Variants in JAK2 observed in about 807,000 individuals in gnomAD.
JAK2 encodes tyrosine-protein kinase JAK2.
A neutral mutation model predicts 139.3 loss-of-function variants in JAK2; 86 were observed. The observed-to-expected ratio is 0.62, with a 90% CI of 0.52 to 0.74. The LOEUF is 0.74. Among genes scored for constraint, JAK2 ranks in the 30% least tolerant of loss-of-function variants. The probability of loss-of-function intolerance (pLI) is 0.00; values close to 1 mark genes in which losing one functional copy is unlikely to be tolerated. For synonymous variants in JAK2, 490 were observed against 437.7 expected (o/e 1.12, Z -1.49); for missense variants, 1,421 against 1,360.3 (o/e 1.04, Z -0.70).
intron 22 of JAK2, among the ~76,000 whole-genome samples, chr9:5,117,597 GTTTATT>G (rs1371824336): frequency 1.3e-5 from 2 of 152,134 alleles, no homozygotes; most frequent in African/African-American, 4.8e-5. Context: ...TCTTATCAAA[GTTTATT>G]TTGGAAATAG....
At chr9:5,032,529 G>A (rs375242054) in intron 4 of JAK2, among the ~76,000 whole-genome samples, 2 of 152,184 alleles carry the variant, frequency 1.3e-5, no homozygotes, top group East Asian at 1.9e-4. Flanking sequence ...ACATGGCCGG[G>A]TACTCCTCTG....
At chr9:5,102,477 T>A (rs1212281329) in intron 22 of JAK2, among the ~76,000 whole-genome samples, 2 of 152,186 alleles carry the variant, frequency 1.3e-5, no homozygotes, top group Non-Finnish European at 2.9e-5. Context: ...TTCAGGATAT[T>A]ATCCAGGAGA....
chr9:5,043,909 C>T (rs1051561692), intron 4 of JAK2, among the ~76,000 whole-genome samples: 5 of 152,118 alleles, frequency 3.3e-5, no homozygotes, highest in African/African-American at 7.2e-5. Flanking sequence ...AAACTAAAAA[C>T]ATTGAATTTT....
At chr9:5,065,762 T>C (rs1818526986) in intron 9 of JAK2, among the ~76,000 whole-genome samples, 1 of 152,196 alleles carries the variant, frequency 6.6e-6, no homozygotes, top group Non-Finnish European at 1.5e-5. Flanking sequence ...ATGTGGTTTA[T>C]GTTGACAACA....
At chr9:5,095,511 C>T (rs1454537012) in intron 22 of JAK2, among the ~76,000 whole-genome samples, 2 of 152,118 alleles carry the variant, frequency 1.3e-5, no homozygotes, top group African/African-American at 4.8e-5. Flanking sequence ...AATTTTCATC[C>T]TTAATAATAA....
At chr9:5,092,056 T>G (rs1820623288) in intron 22 of JAK2, among the ~76,000 whole-genome samples, 1 of 152,056 alleles carries the variant, frequency 6.6e-6, no homozygotes, top group African/African-American at 2.4e-5. Context: ...CAATCAGAAT[T>G]GTAAAACAAG....
chr9:5,064,776 C>A, intron 8 of JAK2, 107 bp from the exon 9 acceptor site: 1 of 753,314 alleles, frequency 1.3e-6, no homozygotes, highest in Non-Finnish European at 2.1e-6. Flanking sequence ...AAGATATGAG[C>A]AATTTAGAAG....
chr9:5,043,983 A>C (rs529301605), intron 4 of JAK2, among the ~76,000 whole-genome samples: 1 of 152,346 alleles, frequency 6.6e-6, no homozygotes, highest in East Asian at 1.9e-4. Flanking sequence ...TTACTAAAAG[A>C]CAATATAGAG....
intron 22 of JAK2, among the ~76,000 whole-genome samples, chr9:5,113,383 C>T (rs1163693989): frequency 3.6e-5 from 5 of 139,174 alleles, no homozygotes; most frequent in East Asian, 2.1e-4. Context: ...TGTGCCTAAG[C>T]GTAATTTTTT....
chr9:5,090,972 G>T, intron 22 of JAK2, 61 bp downstream of exon 22: 1 of 1,069,040 alleles, frequency 9.4e-7, no homozygotes. Context: ...CTTTATTGTT[G>T]TTATTTAATA....
chr9:4,995,664 G>C (rs1486479616), intron 2 of JAK2, among the ~76,000 whole-genome samples: 1 of 152,082 alleles, frequency 6.6e-6, no homozygotes, highest in Non-Finnish European at 1.5e-5. Context: ...TTGTTTCCAA[G>C]TCCTGTATAA....
intron 4 of JAK2, among the ~76,000 whole-genome samples, chr9:5,040,067 A>G (rs1176967334): frequency 6.6e-6 from 1 of 152,220 alleles, no homozygotes; most frequent in African/African-American, 2.4e-5. Context: ...TTTATTACAA[A>G]AGGACTGTAA....
At position 5,090,535 on chromosome 9, in the gene JAK2, A is replaced by G. The variant is rs541690475; in HGVS notation, c.2851A>G (p.Ile951Val). 7 of 1,598,750 alleles carry G rather than the reference A, an allele frequency of 4.4e-6. No individual in the cohort carries two copies. In the African/African-American group the frequency reaches 8.0e-5, roughly 18 times the overall value. Residue 951 changes from isoleucine (I) to valine (V), a missense_variant, in exon 21 of 25, where the codon ATA becomes GTA. Transcript: ENST00000381652. ...LQKHKERIDH[I>V]KLLQYTSQIC... ...AAAACATAAAGAACGGATAGATCAC[A>G]TAAAACTTCTGCAGTACACATCTCA...
At chr9:5,007,725 CTTT>C (rs113969875) in intron 2 of JAK2, among the ~76,000 whole-genome samples, 2 of 144,566 alleles carry the variant, frequency 1.4e-5, no homozygotes. Flanking sequence ...ATTATATTGT[CTTT>C]TTTTTTTTTG....
intron 6 of JAK2, among the ~76,000 whole-genome samples, chr9:5,052,059 C>T (rs573436394): frequency 6.6e-6 from 1 of 151,970 alleles, no homozygotes; most frequent in African/African-American, 2.4e-5. Context: ...GGAAGAGTAT[C>T]TTAGATGTCG....
At chr9:5,066,580 AC>A (rs1818586497) in intron 9 of JAK2, 97 bp from the exon 10 acceptor site, 4 of 706,194 alleles carry the variant, frequency 5.7e-6, no homozygotes, top group Non-Finnish European at 1.0e-5. Flanking sequence ...GACAATTCTG[AC>A]AGTTTTAGAT....
At chr9:5,011,086 C>G (rs771374026) in intron 2 of JAK2, among the ~76,000 whole-genome samples, 2 of 152,140 alleles carry the variant, frequency 1.3e-5, no homozygotes, top group Non-Finnish European at 2.9e-5. Context: ...TATAATGTGA[C>G]TTAAGTATGG....
Position 5,022,099 on chromosome 9 carries a change from G to T in JAK2, c.112G>T (p.Val38Phe), listed in dbSNP as rs771216385. 1 of 1,613,688 alleles carries T rather than the reference G, an allele frequency of 6.2e-7. No individual in the cohort carries two copies. Among genetic ancestry groups the T allele is most frequent in the South Asian group, 1.1e-5 (1 of 91,078 alleles). ...CAATTCTATGAAGCAAATAGATCCA[G>T]TTCTTCAGGTGTATCTTTACCATTC... ...NANSMKQIDP[V>F]LQVYLYHSLG... Residue 38 changes from valine to phenylalanine, a missense_variant, in exon 3 of 25, where the codon GTT becomes TTT. By Grantham distance (50) the Val-to-Phe change is conservative. Coordinates refer to ENST00000381652, the MANE Select transcript of JAK2 (RefSeq NM_004972.4).
At chr9:5,070,241 C>G (rs1818865968) in intron 12 of JAK2, among the ~76,000 whole-genome samples, 189 bp downstream of exon 12, 1 of 151,952 alleles carries the variant, frequency 6.6e-6, no homozygotes, top group Non-Finnish European at 1.5e-5. Flanking sequence ...TCTTAATTAT[C>G]CTAAGAATGG....
Sources: gnomAD v4.1 joint callset for allele counts (sites outside exome capture counted in the v4.1 genomes callset) on GRCh38, gnomAD v4.1.1 for gene constraint, MANE v1.5 for transcripts, NCBI Gene and HGNC (gene_info 2026-07-23, HGNC 2026-07-21) for gene names.